Variants in ACTL8 observed in about 807,000 individuals in gnomAD.
ACTL8 encodes actin like 8.
Under a neutral mutation model 9.3 loss-of-function variants are expected in ACTL8, and 3 were observed. That is an observed-to-expected ratio of 0.32 (90% CI 0.15 to 0.83). The LOEUF (loss-of-function observed/expected upper bound fraction) is 0.83, where lower values mean the gene tolerates loss of function less well. Among genes scored for constraint, ACTL8 ranks in the 40% least tolerant of loss-of-function variants. The pLI is 0.57. For synonymous variants in ACTL8, 224 were observed against 205.9 expected, an observed-to-expected ratio of 1.09 and a Z score of -0.75; for missense variants, 381 against 492.2, an observed-to-expected ratio of 0.77 and a Z score of 2.14.
chr1:17,816,755 G>C (rs184173590), intron 1 of ACTL8, among the ~76,000 whole-genome samples: 6 of 152,252 alleles, frequency 3.9e-5, no homozygotes, highest in Non-Finnish European at 7.4e-5. Flanking sequence ...ACCTGTGCCC[G>C]TTCATATATA....
At chr1:17,778,370 G>A (rs542247658) in intron 1 of ACTL8, among the ~76,000 whole-genome samples, 1 of 152,106 alleles carries the variant, frequency 6.6e-6, no homozygotes, top group Non-Finnish European at 1.5e-5. Flanking sequence ...GATCCTGGGT[G>A]GGGGAGGGTA....
chr1:17,796,791 C>G (rs1415557633), intron 1 of ACTL8, among the ~76,000 whole-genome samples: 1 of 152,236 alleles, frequency 6.6e-6, no homozygotes, highest in African/African-American at 2.4e-5. Context: ...AGAGGATGCT[C>G]TAGACTTAGA....
chr1:17,825,960 C>G lies in ACTL8; in HGVS notation c.542C>G (p.Ser181Cys), dbSNP rs1276989694. ...CTGGAGTTCGCCGGCCAGGATCTCTCCGCCTATCTCCTCAAGAGTCTCTTT... is the reference window on the plus strand; with the variant it reads ...CTGGAGTTCGCCGGCCAGGATCTCTGCGCCTATCTCCTCAAGAGTCTCTTT... The part of the protein sequence containing the change: ...KTLEFAGQDL[S>C]AYLLKSLFKE... Residue 181 changes from serine to cysteine, a missense_variant, in exon 3 of 3, where the codon TCC becomes TGC. By Grantham distance (112) the Ser-to-Cys change is moderately radical (BLOSUM62 -1). Transcript: ENST00000375406. 6.2e-7 allele frequency: 1 copy of G among 1,610,548 alleles called. No homozygotes were observed. The highest frequency in any genetic ancestry group is 8.5e-7 in the Non-Finnish European group (1 of 1,180,024).
Position 17,825,761 on chromosome 1 carries a change from T to C in ACTL8, c.349-6T>C. 6.2e-7 allele frequency: 1 copy of C among 1,609,186 alleles called. No homozygotes were observed. Among genetic ancestry groups the C allele is most frequent in the Admixed American group, 1.7e-5 (1 of 59,972 alleles). On this transcript the variant is annotated splice_polypyrimidine_tract_variant and splice_region_variant and intron_variant, in intron 2 of 2. Transcript: ENST00000375406. Reference sequence around the variant, plus strand: ...AATGCACTGAGTGAATTCTCCCTCGTTGCAGATCCTGTTTGAGTTGCTGCA... The same window carrying C: ...AATGCACTGAGTGAATTCTCCCTCGCTGCAGATCCTGTTTGAGTTGCTGCA...
At chr1:17,780,673 C>T (rs1231310979) in intron 1 of ACTL8, among the ~76,000 whole-genome samples, 4 of 132,280 alleles carry the variant, frequency 3.0e-5, no homozygotes. Context: ...AGGATGCTGG[C>T]TTCAGTGCCT....
At chr1:17,790,439 G>GA (rs1177960436) in intron 1 of ACTL8, among the ~76,000 whole-genome samples, 3 of 152,190 alleles carry the variant, frequency 2.0e-5, no homozygotes, top group Non-Finnish European at 2.9e-5. Context: ...TGAGCAAGAC[G>GA]AAGAGGAGCT....
chr1:17,787,886 G>A (rs568954764), intron 1 of ACTL8, among the ~76,000 whole-genome samples: 36 of 152,284 alleles, frequency 2.4e-4, no homozygotes, highest in South Asian at 4.1e-4. Flanking sequence ...GAGAGAGGTC[G>A]TTTTCCTGTA....
intron 1 of ACTL8, among the ~76,000 whole-genome samples, chr1:17,799,726 T>C (rs12034242): frequency 0.038 from 5,758 of 152,300 alleles, 219 homozygotes; most frequent in East Asian, 0.15. Flanking sequence ...AGTTTTACTT[T>C]ATAAATTTAG....
rs546274180 is a variant in ACTL8, at chr1:17,762,881, T to C, written c.-25+7377T>C. Among the ~76,000 whole-genome samples the C allele has an allele frequency of 3.9e-5, 6 of 152,236 alleles. No individual in the cohort carries two copies. In the East Asian group the frequency reaches 1.2e-3, roughly 30 times the overall value. On this transcript the variant is annotated intron_variant, in intron 1 of 2. Coordinates refer to ENST00000375406, the MANE Select transcript of ACTL8 (RefSeq NM_030812.3). ...GCCTCCCGGGGACTCAGTTTTCCTC[T>C]GCGTCCATGGGGGTGGTAGGGCTGC... is the stretch of plus-strand genomic sequence containing the variant.
rs116745746 is a variant in ACTL8, at chr1:17,825,901, C to T, written c.483C>T (p.His161=). 697 of 1,613,362 alleles carry T rather than the reference C, an allele frequency of 4.3e-4. 9 individuals are homozygous for T. Among genetic ancestry groups the T allele is most frequent in the South Asian group, 4.2e-3 (382 of 91,086 alleles). ...GYGLTRVQPF[H]QGRPLPASGK... is the part of the protein sequence containing the mutation. ...GCCTGACCCGCGTGCAGCCTTTCCA[C>T]CAGGGCCGCCCCTTGCCCGCCAGCG... Residue 161 remains histidine (H), a synonymous_variant, in exon 3 of 3, where the codon CAC becomes CAT. Transcript: ENST00000375406.
intron 1 of ACTL8, among the ~76,000 whole-genome samples, chr1:17,816,548 G>C (rs1232314772): frequency 2.0e-5 from 3 of 152,210 alleles, no homozygotes; most frequent in Non-Finnish European, 1.5e-5. Context: ...TGAGCATTAT[G>C]CTGTGAGACT....
At chr1:17,778,790 G>A (rs2066133643) in intron 1 of ACTL8, among the ~76,000 whole-genome samples, 1 of 152,084 alleles carries the variant, frequency 6.6e-6, no homozygotes, top group South Asian at 2.1e-4. Flanking sequence ...TTTCGGTGGG[G>A]CTTGTTTGAG....
chr1:17,762,820 A>C (rs2066016420), intron 1 of ACTL8, among the ~76,000 whole-genome samples: 1 of 152,050 alleles, frequency 6.6e-6, no homozygotes, highest in Non-Finnish European at 1.5e-5. Flanking sequence ...CCCAGGTGGC[A>C]GTGGAGGGGC....
At position 17,826,208 on chromosome 1, in the gene ACTL8, G is replaced by T. The variant is rs1384837832; in HGVS notation, c.790G>T (p.Val264Leu). The change falls in exon 3 of 3, where the codon GTG becomes TTG. Residue 264 changes from valine (V) to leucine (L), a missense_variant. Coordinates refer to ENST00000375406, the MANE Select transcript of ACTL8 (RefSeq NM_030812.3). The surrounding 1 kb of genome is among the most constrained non-coding windows in gnomAD (Gnocchi z 4.5). ...TCCTGAGATGTTCTTTAGCCCGCAG[G>T]TGTTCGAGCAGCCGGGGCCCAGCAT... ...VAPEMFFSPQVFEQPGPSIPR... is the reference protein window; with the variant it reads ...VAPEMFFSPQLFEQPGPSIPR... 1 of 1,613,462 alleles carries T rather than the reference G, an allele frequency of 6.2e-7. No homozygotes were observed. Among genetic ancestry groups the T allele is most frequent in the South Asian group, 1.1e-5 (1 of 91,082 alleles).
intron 1 of ACTL8, among the ~76,000 whole-genome samples, chr1:17,812,974 G>T (rs1486091353): frequency 6.6e-6 from 1 of 152,058 alleles, no homozygotes; most frequent in Non-Finnish European, 1.5e-5. Context: ...AATATAATTG[G>T]TTTTTAAAAT....
intron 1 of ACTL8, among the ~76,000 whole-genome samples, chr1:17,774,931 A>G (rs1015562046): frequency 6.6e-6 from 1 of 152,064 alleles, no homozygotes; most frequent in Admixed American, 6.5e-5. Flanking sequence ...CTCCCCTTTC[A>G]TCTCTCCAGT....
intron 1 of ACTL8, among the ~76,000 whole-genome samples, chr1:17,777,284 G>A (rs899612954): frequency 1.8e-4 from 28 of 151,992 alleles, no homozygotes; most frequent in African/African-American, 6.3e-4. Flanking sequence ...TCCCCGGAGC[G>A]CCACCTGGTT....
At chr1:17,806,191 A>T (rs1239736703) in intron 1 of ACTL8, among the ~76,000 whole-genome samples, 2 of 152,194 alleles carry the variant, frequency 1.3e-5, no homozygotes, top group Admixed American at 6.5e-5. Context: ...CATTTAAGTG[A>T]TTAATTCTCC....
chr1:17,779,869 G>A (rs750583916), intron 1 of ACTL8, among the ~76,000 whole-genome samples: 4 of 152,158 alleles, frequency 2.6e-5, no homozygotes, highest in Non-Finnish European at 4.4e-5. Context: ...CTGGCTAGGG[G>A]TAAGCACTAA....
Sources: gnomAD v4.1 joint callset for allele counts (sites outside exome capture counted in the v4.1 genomes callset) on GRCh38, gnomAD v4.1.1 for gene constraint, Gnocchi (gnomAD v3.1) non-coding constraint, MANE v1.5 for transcripts, NCBI Gene and HGNC (gene_info 2026-07-23, HGNC 2026-07-21) for gene names.